Variants in RORB observed in about 807,000 individuals in gnomAD.
RORB encodes nuclear receptor ROR-beta.
Under a neutral mutation model 59.1 loss-of-function variants are expected in RORB, and 6 were observed. The observed-to-expected ratio is 0.10, with a 90% CI of 0.06 to 0.20. RORB has a LOEUF of 0.20. RORB is among the 10% of genes least tolerant of loss of function. The probability of loss-of-function intolerance (pLI) is 1.00; values close to 1 mark genes in which losing one functional copy is unlikely to be tolerated. For synonymous variants in RORB, 215 were observed against 204.5 expected, an observed-to-expected ratio of 1.05 and a Z score of -0.44; for missense variants, 320 against 560.5, an observed-to-expected ratio of 0.57 and a Z score of 4.33.
At chr9:74,605,055 G>A (rs913492185) in intron 1 of RORB, among the ~76,000 whole-genome samples, 3 of 152,156 alleles carry the variant, frequency 2.0e-5, no homozygotes, top group Non-Finnish European at 2.9e-5. Context: ...AAGAAAAGAA[G>A]AGAGATCACT....
At chr9:74,504,799 G>A (rs1303090402) in intron 1 of RORB, among the ~76,000 whole-genome samples, 1 of 151,924 alleles carries the variant, frequency 6.6e-6, no homozygotes, top group Non-Finnish European at 1.5e-5. Flanking sequence ...AACTTGGGAT[G>A]CTTAAAGAAA....
intron 1 of RORB, among the ~76,000 whole-genome samples, chr9:74,500,229 G>T (rs1825787972): frequency 6.6e-6 from 1 of 152,108 alleles, no homozygotes. Context: ...CTTAAAAGAT[G>T]ACCAGGTCAC....
At chr9:74,655,902 A>G (rs189065560) in intron 4 of RORB, among the ~76,000 whole-genome samples, 333 of 152,334 alleles carry the variant, frequency 2.2e-3, no homozygotes, top group African/African-American at 7.5e-3. Flanking sequence ...ACTGCAGAAT[A>G]GTGAGAGAAA....
At chr9:74,623,925 A>G (rs1403606064) in intron 1 of RORB, among the ~76,000 whole-genome samples, 3 of 152,228 alleles carry the variant, frequency 2.0e-5, no homozygotes, top group Non-Finnish European at 4.4e-5. Context: ...CTTTGTTTAC[A>G]AGGGGAATAT....
At chr9:74,576,072 C>T (rs573746764) in intron 1 of RORB, among the ~76,000 whole-genome samples, 1 of 152,224 alleles carries the variant, frequency 6.6e-6, no homozygotes, top group South Asian at 2.1e-4. Flanking sequence ...AAATATTAAA[C>T]AGCCTCGCTG....
At chr9:74,655,299 T>C (rs981802979) in intron 4 of RORB, among the ~76,000 whole-genome samples, 1 of 152,146 alleles carries the variant, frequency 6.6e-6, no homozygotes, top group Non-Finnish European at 1.5e-5. Context: ...TGCATCACCT[T>C]TGGAGGTGGT....
At position 74,660,747 on chromosome 9, in the gene RORB, G is replaced by A. The variant is rs1443482948; in HGVS notation, c.759+9G>A. 2 of 1,607,230 alleles carry A rather than the reference G, an allele frequency of 1.2e-6. No individual in the cohort carries two copies. The highest frequency in any genetic ancestry group is 2.2e-5 in the South Asian group (2 of 89,436). ...AAGCATATCAAAGCAAGGTACTCTG[G>A]GAAACCATGAGAAAGTTTTTCTGTG... On this transcript the variant is annotated intron_variant, in intron 5 of 9. Transcript: ENST00000376896.
At chr9:74,609,709 A>G (rs745392832) in intron 1 of RORB, among the ~76,000 whole-genome samples, 1 of 152,224 alleles carries the variant, frequency 6.6e-6, no homozygotes, top group Non-Finnish European at 1.5e-5. Context: ...CACAGAAGAA[A>G]TTGAGGCACA....
At chr9:74,684,674 T>C (rs536604363) in intron 9 of RORB, among the ~76,000 whole-genome samples, 1 of 152,338 alleles carries the variant, frequency 6.6e-6, no homozygotes, top group South Asian at 2.1e-4. Flanking sequence ...CTAACAATTG[T>C]AAGTGGATAT....
Position 74,690,728 on chromosome 9 carries a change from A to T in RORB, c.*5110A>T, listed in dbSNP as rs951833327. On this transcript the variant is annotated 3_prime_UTR_variant, in exon 10 of 10. Coordinates refer to ENST00000376896, the MANE Select transcript of RORB (RefSeq NM_006914.4). ...ATACTCAATTTTGTTTTGGTATTTG[A>T]TTGTCACAACTAGAGGATATAACAG... is the stretch of plus-strand genomic sequence containing the variant. 2.0e-5 allele frequency: 3 copies of T among 152,290 alleles called. No individual in the cohort carries two copies. Among genetic ancestry groups the T allele is most frequent in the Non-Finnish European group, 4.4e-5 (3 of 68,020 alleles). 9.4% of individuals were successfully genotyped at this position (152,290 alleles called of 1,614,324 possible). A position where few individuals can be genotyped will look rare whatever the true frequency, so the allele number is the denominator to read the frequency against.
chr9:74,665,723 T>C (rs2118526475), intron 7 of RORB, 128 bp downstream of exon 7: 2 of 606,428 alleles, frequency 3.3e-6, no homozygotes, highest in East Asian at 5.6e-5. Flanking sequence ...CGATAAGCGA[T>C]GGACCAGGTG....
At chr9:74,510,353 C>T (rs1349258305) in intron 1 of RORB, among the ~76,000 whole-genome samples, 1 of 152,114 alleles carries the variant, frequency 6.6e-6, no homozygotes, top group Non-Finnish European at 1.5e-5. Flanking sequence ...TGTAAAATAT[C>T]TTCTTTGCTT....
At chr9:74,557,903 T>C (rs747181378) in intron 1 of RORB, among the ~76,000 whole-genome samples, 2 of 152,162 alleles carry the variant, frequency 1.3e-5, no homozygotes, top group Non-Finnish European at 2.9e-5. Flanking sequence ...GAGGCACATT[T>C]ATTGGTTCAT....
At chr9:74,563,061 T>C (rs1822420464) in intron 1 of RORB, among the ~76,000 whole-genome samples, 1 of 152,186 alleles carries the variant, frequency 6.6e-6, no homozygotes. Context: ...CACTACCTAA[T>C]GAACAGACCT....
intron 1 of RORB, among the ~76,000 whole-genome samples, chr9:74,626,891 T>C (rs925824564): frequency 6.6e-6 from 1 of 152,310 alleles, no homozygotes; most frequent in East Asian, 1.9e-4. Context: ...AGACCGGGCA[T>C]GGTGGCTCAC....
Position 74,691,936 on chromosome 9 carries a change from A to G in RORB, c.*6318A>G, listed in dbSNP as rs1399874800. ...CCTGCAAACTCCATCTATAACTAGA[A>G]AATACGAAAAAGGAAAATTAAAAAA... On this transcript the variant is annotated 3_prime_UTR_variant, in exon 10 of 10. Coordinates refer to ENST00000376896, the MANE Select transcript of RORB (RefSeq NM_006914.4). 1 of 152,206 alleles carries G rather than the reference A, an allele frequency of 6.6e-6. No homozygotes were observed. The highest frequency in any genetic ancestry group is 2.4e-5 in the African/African-American group (1 of 41,450). The allele number at this position is 152,206 out of a possible 1,614,324, so 9.4% of individuals were successfully genotyped here. A position where few individuals can be genotyped will look rare whatever the true frequency, so the allele number is the denominator to read the frequency against.
At chr9:74,615,711 A>G (rs546765001) in intron 1 of RORB, 1 of 382,326 alleles carries the variant, frequency 2.6e-6, no homozygotes, top group South Asian at 1.9e-5. Flanking sequence ...GGAAGTAAGC[A>G]TTTATAAGCT....
At chr9:74,532,189 A>G (rs1201480159) in intron 1 of RORB, among the ~76,000 whole-genome samples, 1 of 152,016 alleles carries the variant, frequency 6.6e-6, no homozygotes, top group African/African-American at 2.4e-5. Flanking sequence ...TTCCTATGCT[A>G]TTCTATACAT....
At chr9:74,601,028 G>C (rs1301519779) in intron 1 of RORB, among the ~76,000 whole-genome samples, 1 of 152,004 alleles carries the variant, frequency 6.6e-6, no homozygotes, top group Non-Finnish European at 1.5e-5. Flanking sequence ...TATTACATTA[G>C]CAATTACTAT....
Sources: allele counts gnomAD v4.1 joint callset (sites outside exome capture counted in the v4.1 genomes callset), GRCh38; gene constraint gnomAD v4.1.1; transcripts MANE v1.5; gene names NCBI Gene and HGNC (gene_info 2026-07-23, HGNC 2026-07-21).